Variants in PCDHA2 observed in about 807,000 individuals in gnomAD.
PCDHA2 encodes protocadherin alpha-2.
Under a neutral mutation model 66.0 loss-of-function variants are expected in PCDHA2, and 58 were observed. The ratio of observed to expected loss-of-function variants is 0.88; its 90% confidence interval spans 0.71 to 1.09. PCDHA2 has a LOEUF of 1.09. Ranked by LOEUF, PCDHA2 falls within the 50% of genes least tolerant of loss-of-function variation. The pLI is 0.00. For missense variants in PCDHA2, 1,267 were observed against 1,242.3 expected (o/e 1.02, Z -0.30); for synonymous variants, 634 against 554.0 (o/e 1.14, Z -2.03).
chr5:140,802,431 C>G (rs782361767), intron 1 of PCDHA2: 10 of 1,614,104 alleles, frequency 6.2e-6, no homozygotes, highest in African/African-American at 1.3e-5. Context: ...GCTGGACAGC[C>G]CTCTGGACCG....
At chr5:140,836,149 A>G in intron 1 of PCDHA2, 1 of 1,613,754 alleles carries the variant, frequency 6.2e-7, no homozygotes, top group Non-Finnish European at 8.5e-7. Flanking sequence ...GGCGCGGGCC[A>G]TGTGGTGGCG....
intron 1 of PCDHA2, chr5:140,809,727 T>G: frequency 1.2e-6 from 1 of 813,498 alleles, no homozygotes; most frequent in South Asian, 1.9e-5. Flanking sequence ...TTATAGGACA[T>G]CAGAGCAATA....
At chr5:140,840,195 GA>G (rs1173726690) in intron 1 of PCDHA2, among the ~76,000 whole-genome samples, 15 of 152,034 alleles carry the variant, frequency 9.9e-5, no homozygotes, top group African/African-American at 3.6e-4. Context: ...GTAGGCAAAG[GA>G]AAAGAAGTCA....
chr5:140,863,639 A>C, intron 1 of PCDHA2: 2 of 305,014 alleles, frequency 6.6e-6, no homozygotes, highest in South Asian at 6.1e-5. Context: ...ATGTTCACCA[A>C]GTTATTAATT....
chr5:140,835,891 C>T lies in PCDHA2; in HGVS notation c.2388+38539C>T. The T allele has an allele frequency of 6.2e-7, 1 of 1,611,968 alleles. No homozygotes were observed. The highest frequency in any genetic ancestry group is 2.2e-5 in the East Asian group (1 of 44,826). ...GTGGAGCTGCGGGTGGGCGAGCGCG[C>T]GCTGTCGAGCTACGTGTCAGTGCAC... is the stretch of plus-strand genomic sequence containing the variant. On this transcript the variant is annotated intron_variant, in intron 1 of 3. Coordinates refer to ENST00000526136, the MANE Select transcript of PCDHA2 (RefSeq NM_018905.3).
intron 1 of PCDHA2, among the ~76,000 whole-genome samples, chr5:140,924,615 C>G (rs142536325): frequency 6.6e-6 from 1 of 152,150 alleles, no homozygotes; most frequent in African/African-American, 2.4e-5. Flanking sequence ...ATGCCAGGTG[C>G]GGTGGCATGG....
At chr5:140,830,407 T>G in intron 1 of PCDHA2, 24 of 1,614,170 alleles carry the variant, frequency 1.5e-5, no homozygotes, top group Non-Finnish European at 2.0e-5. Context: ...TCATGGCCTT[T>G]AGCCCCAGCC....
chr5:140,871,688 G>C lies in PCDHA2; in HGVS notation c.2388+74336G>C, dbSNP rs868933304. On this transcript the variant is annotated intron_variant, in intron 1 of 3. Coordinates refer to ENST00000526136, the MANE Select transcript of PCDHA2 (RefSeq NM_018905.3). ...GTCTTTTAATCATATGAATAATCTG[G>C]CTTCTTTAACCAATAAATGTCCTAT... 1.9e-5 allele frequency: 20 copies of C among 1,060,782 alleles called. No homozygotes were observed. In the African/African-American group the frequency reaches 2.1e-4, roughly 11 times the overall value. The allele number at this position is 1,060,782 out of a possible 1,614,324, so 65.7% of individuals were successfully genotyped here. A position where few individuals can be genotyped will look rare whatever the true frequency, so the allele number is the denominator to read the frequency against.
chr5:140,860,512 T>A (rs1379513509), intron 1 of PCDHA2: 3 of 152,166 alleles, frequency 2.0e-5, no homozygotes, highest in African/African-American at 7.2e-5. Context: ...AAGATAAAAC[T>A]CTTCATGGAA....
intron 1 of PCDHA2, among the ~76,000 whole-genome samples, chr5:140,975,683 G>A (rs1226769029): frequency 2.0e-5 from 3 of 151,934 alleles, no homozygotes; most frequent in Non-Finnish European, 2.9e-5. Context: ...AATAAAATAG[G>A]GTATTTTAAA....
At chr5:140,819,722 A>G (rs1375762475) in intron 1 of PCDHA2, among the ~76,000 whole-genome samples, 1 of 152,122 alleles carries the variant, frequency 6.6e-6, no homozygotes, top group Non-Finnish European at 1.5e-5. Flanking sequence ...ATAATTTAAC[A>G]GATATGAAAG....
At chr5:140,871,134 C>G in intron 1 of PCDHA2, 9 of 1,613,414 alleles carry the variant, frequency 5.6e-6, no homozygotes, top group Non-Finnish European at 6.8e-6. Flanking sequence ...CGCCAAAGGC[C>G]TCTTCCCGGA....
At chr5:140,997,374 A>G (rs1296402204) in intron 3 of PCDHA2, among the ~76,000 whole-genome samples, 1 of 152,212 alleles carries the variant, frequency 6.6e-6, no homozygotes, top group Non-Finnish European at 1.5e-5. Flanking sequence ...TAGATGATAT[A>G]GCATACTACA....
At chr5:140,871,062 C>T (rs1434880600) in intron 1 of PCDHA2, 2 of 1,613,102 alleles carry the variant, frequency 1.2e-6, no homozygotes, top group African/African-American at 2.7e-5. Context: ...TGAAGGATCA[C>T]GGTGAGCCGG....
chr5:140,953,528 C>T (rs2094898852), intron 1 of PCDHA2, among the ~76,000 whole-genome samples: 1 of 152,112 alleles, frequency 6.6e-6, no homozygotes, highest in Non-Finnish European at 1.5e-5. Context: ...AAACGGGAAA[C>T]TCACTTCATG....
chr5:140,849,671 C>T (rs2150444365), intron 1 of PCDHA2: 6 of 1,598,630 alleles, frequency 3.8e-6, no homozygotes, highest in Middle Eastern at 1.7e-4. Flanking sequence ...TGACGCCCCA[C>T]GTCCCCTTCA....
intron 1 of PCDHA2, chr5:140,809,348 C>T: frequency 6.2e-7 from 1 of 1,614,028 alleles, no homozygotes; most frequent in Non-Finnish European, 8.5e-7. Flanking sequence ...GTACACCGCG[C>T]TGCGGTGCTC....
intron 1 of PCDHA2, among the ~76,000 whole-genome samples, chr5:140,973,733 C>G (rs1273705154): frequency 6.6e-6 from 1 of 152,216 alleles, no homozygotes; most frequent in Non-Finnish European, 1.5e-5. Context: ...GGCATCTGGT[C>G]TAACTCAGAA....
chr5:140,969,221 C>T, intron 1 of PCDHA2: 2 of 1,614,158 alleles, frequency 1.2e-6, no homozygotes, highest in Non-Finnish European at 1.7e-6. Context: ...AGGACCAGGG[C>T]CTTCGGGAGC....
Sources: allele counts gnomAD v4.1 joint callset (sites outside exome capture counted in the v4.1 genomes callset), GRCh38; gene constraint gnomAD v4.1.1; transcripts MANE v1.5; gene names NCBI Gene and HGNC (gene_info 2026-07-23, HGNC 2026-07-21).